The following SBF2 variants were observed in gnomAD, a reference collection of about 807,000 sequenced individuals.
SBF2 encodes SET binding factor 2.
Under a neutral mutation model 225.2 loss-of-function variants are expected in SBF2, and 112 were observed. The ratio of observed to expected loss-of-function variants is 0.50; its 90% CI spans 0.43 to 0.58. The LOEUF (loss-of-function observed/expected upper bound fraction) is 0.58, where lower values mean the gene tolerates loss of function less well. SBF2 is among the 20% of genes least tolerant of loss of function. SBF2 has a pLI of 0.00. For synonymous variants in SBF2, 763 were observed against 773.3 expected, an observed-to-expected ratio of 0.99 and a Z score of 0.22; for missense variants, 1,996 against 2,206.2, an observed-to-expected ratio of 0.90 and a Z score of 1.91.
rs61495070 is a variant in SBF2, at chr11:9,942,980, G to GAAGA, written c.1860+18973_1860+18976dup. Among the ~76,000 whole-genome samples, 1,301 of 147,642 alleles carry GAAGA rather than the reference G, an allele frequency of 8.8e-3. 9 individuals are homozygous for GAAGA. The highest frequency in any genetic ancestry group is 0.022 in the South Asian group (100 of 4,636). On this transcript the variant is annotated intron_variant, in intron 16 of 39. Transcript: ENST00000256190. The stretch of plus-strand genomic sequence containing the variant: ...GAAGGAAAGAAGGAAAAAGAAAGAG[G>GAAGA]AAGAAAGAAAGAAAGAAAGAAAGAA...
intron 1 of SBF2, among the ~76,000 whole-genome samples, chr11:10,194,910 T>C (rs2135333981): frequency 6.6e-6 from 1 of 152,304 alleles, no homozygotes; most frequent in South Asian, 2.1e-4. Flanking sequence ...TAACTGCCCT[T>C]TGTGCCCCAA....
At chr11:10,217,262 T>C (rs1958166494) in intron 1 of SBF2, among the ~76,000 whole-genome samples, 1 of 152,206 alleles carries the variant, frequency 6.6e-6, no homozygotes, top group Admixed American at 6.5e-5. Context: ...TCATTGCTCA[T>C]AAAGCATCCA....
chr11:10,296,851 A>T (rs988108188), upstream of SBF2, among the ~76,000 whole-genome samples: 4 of 152,106 alleles, frequency 2.6e-5, no homozygotes, highest in Admixed American at 6.5e-5. Context: ...ATTTCTCTGC[A>T]TCTTTGTCAA....
chr11:10,044,123 A>G (rs1256564731), intron 2 of SBF2, among the ~76,000 whole-genome samples: 1 of 152,200 alleles, frequency 6.6e-6, no homozygotes, highest in Non-Finnish European at 1.5e-5. Flanking sequence ...GTAAGCAAAT[A>G]AAGAAAATAA....
chr11:9,931,735 C>T (rs146812903), intron 16 of SBF2, among the ~76,000 whole-genome samples: 309 of 152,282 alleles, frequency 2.0e-3, no homozygotes, highest in African/African-American at 7.0e-3. Flanking sequence ...TCCAAAGGAT[C>T]GCAGCTCCTC....
chr11:9,855,245 T>C (rs1332385435), intron 19 of SBF2, among the ~76,000 whole-genome samples: 2 of 152,092 alleles, frequency 1.3e-5, no homozygotes, highest in East Asian at 1.9e-4. Flanking sequence ...ATCTGTGCAG[T>C]TGACTGTATG....
intron 1 of SBF2, among the ~76,000 whole-genome samples, chr11:10,215,766 C>T (rs1438622856): frequency 6.6e-6 from 1 of 152,210 alleles, no homozygotes; most frequent in African/African-American, 2.4e-5. Context: ...ACTTGTTGTG[C>T]ACTTCAAATC....
intron 2 of SBF2, among the ~76,000 whole-genome samples, chr11:10,124,173 T>G (rs1326838031): frequency 2.0e-5 from 3 of 152,212 alleles, no homozygotes; most frequent in Non-Finnish European, 4.4e-5. Context: ...TTTTTTTGGT[T>G]GTTGTTTAGT....
At chr11:9,834,679 TATAGAC>T (rs1235660951) in intron 26 of SBF2, among the ~76,000 whole-genome samples, 1 of 152,172 alleles carries the variant, frequency 6.6e-6, no homozygotes, top group East Asian at 1.9e-4. Context: ...AAGACCAAGC[TATAGAC>T]ATAATCACTC....
chr11:9,824,145 G>T (rs976146107), intron 28 of SBF2, among the ~76,000 whole-genome samples: 4 of 152,168 alleles, frequency 2.6e-5, no homozygotes, highest in Non-Finnish European at 5.9e-5. Context: ...AGCCTTCTGG[G>T]TGCCTTTAGG....
intron 1 of SBF2, among the ~76,000 whole-genome samples, chr11:10,229,231 C>T (rs983285965): frequency 9.3e-4 from 141 of 151,974 alleles, no homozygotes; most frequent in Non-Finnish European, 1.9e-3. Context: ...CTCTTGCTAG[C>T]AGTCTATCAA....
At chr11:9,919,270 C>CTTTT (rs779718076) in intron 16 of SBF2, among the ~76,000 whole-genome samples, 27,994 of 139,460 alleles carry the variant, frequency 0.2, 3,503 homozygotes, top group Non-Finnish European at 0.29. Context: ...TCTTCTTCTT[C>CTTTT]TTTTTTTTTT....
chr11:9,958,095 G>T (rs918191878), intron 16 of SBF2: 1 of 151,990 alleles, frequency 6.6e-6, no homozygotes, highest in Non-Finnish European at 1.5e-5. Flanking sequence ...GTCCCTCAAA[G>T]AAAAAATCCC....
At chr11:10,256,398 C>T (rs1960870602) in intron 1 of SBF2, among the ~76,000 whole-genome samples, 1 of 152,186 alleles carries the variant, frequency 6.6e-6, no homozygotes, top group Non-Finnish European at 1.5e-5. Context: ...TGATTTAATT[C>T]ATCATTTACA....
chr11:10,251,482 C>T (rs1960342878), intron 1 of SBF2, among the ~76,000 whole-genome samples: 1 of 152,160 alleles, frequency 6.6e-6, no homozygotes, highest in Admixed American at 6.5e-5. Flanking sequence ...ACACTTGTGG[C>T]CTATGGACAA....
intron 12 of SBF2, 136 bp downstream of exon 12, chr11:9,992,279 C>A: frequency 3.1e-6 from 2 of 637,560 alleles, no homozygotes; most frequent in South Asian, 3.0e-5. Context: ...ATTTGATAAG[C>A]ATAATAAATA....
chr11:10,161,986 AAAAT>A (rs1171503035), intron 2 of SBF2, among the ~76,000 whole-genome samples: 1 of 152,140 alleles, frequency 6.6e-6, no homozygotes, highest in Non-Finnish European at 1.5e-5. Flanking sequence ...CCCTGTCTAA[AAAAT>A]AAATAAATAA....
chr11:9,802,872 A>T (rs1286455382), intron 32 of SBF2, among the ~76,000 whole-genome samples: 1 of 152,204 alleles, frequency 6.6e-6, no homozygotes, highest in East Asian at 1.9e-4. Flanking sequence ...TGCATCACCA[A>T]AGCTGATACC....
intron 2 of SBF2, among the ~76,000 whole-genome samples, chr11:10,100,996 G>A (rs769743855): frequency 1.3e-5 from 2 of 152,138 alleles, no homozygotes; most frequent in Admixed American, 6.5e-5. Flanking sequence ...GGATACTCTC[G>A]GAGTTCTTGG....
Sources: gnomAD v4.1 joint callset for allele counts (sites outside exome capture counted in the v4.1 genomes callset) on GRCh38, gnomAD v4.1.1 for gene constraint, MANE v1.5 for transcripts, NCBI Gene and HGNC (gene_info 2026-07-23, HGNC 2026-07-21) for gene names.